MACROD1: variants seen among roughly 807,000 people sequenced by gnomAD.
MACROD1 encodes the protein ADP-ribose glycohydrolase MACROD1.
In MACROD1, 31 loss-of-function variants were observed where a neutral mutation model predicts 41.4. The observed-to-expected ratio is 0.75, with a 90% CI of 0.56 to 1.01. The LOEUF is 1.01. MACROD1 is among the 50% of genes least tolerant of loss of function. The probability of loss-of-function intolerance (pLI) is 0.00; values close to 1 mark genes in which losing one functional copy is unlikely to be tolerated. For missense variants in MACROD1, 473 were observed against 460.0 expected (o/e 1.03, Z -0.26); for synonymous variants, 252 against 203.4 (o/e 1.24, Z -2.03).
chr11:64,129,644 G>A (rs1945236903), intron 3 of MACROD1, among the ~76,000 whole-genome samples: 1 of 152,128 alleles, frequency 6.6e-6, no homozygotes, highest in Non-Finnish European at 1.5e-5. Context: ...GCAGCAAAGT[G>A]CCCCCAGGTC....
intron 3 of MACROD1, among the ~76,000 whole-genome samples, chr11:64,101,988 A>AC (rs1234780385): frequency 6.6e-6 from 1 of 151,916 alleles, no homozygotes; most frequent in African/African-American, 2.4e-5. Context: ...GTGGGCAGCC[A>AC]CCCCCCATCT....
chr11:64,046,469 AC>A (rs1478919485), intron 3 of MACROD1, among the ~76,000 whole-genome samples: 1 of 151,972 alleles, frequency 6.6e-6, no homozygotes, highest in Non-Finnish European at 1.5e-5. Flanking sequence ...CTTGCCCTGG[AC>A]CCCAGACAGT....
intron 3 of MACROD1, among the ~76,000 whole-genome samples, chr11:64,051,274 G>A (rs897120280): frequency 1.3e-5 from 2 of 152,204 alleles, no homozygotes; most frequent in African/African-American, 2.4e-5. Flanking sequence ...GGGAGGGGAG[G>A]GGCTGGTCCC....
chr11:64,000,317 C>T lies in MACROD1; in HGVS notation c.574G>A (p.Gly192Ser). 6.3e-7 allele frequency: 1 copy of T among 1,589,586 alleles called. No individual in the cohort carries two copies. The highest frequency in any genetic ancestry group is 8.6e-7 in the Non-Finnish European group (1 of 1,169,246). The change falls in exon 5 of 11, where the codon GGC becomes AGC. Residue 192 changes from glycine to serine, a missense_variant. Coordinates refer to ENST00000255681, the MANE Select transcript of MACROD1 (RefSeq NM_014067.4). Reference protein sequence around the residue: ...GVDGCIHRAAGPLLTDECRTL... With the variant: ...GVDGCIHRAASPLLTDECRTL... ...CGGCACTCGTCGGTAAGCAGGGGGC[C>T]GGCGGCCCGATGAATGCAGCCGTCC...
chr11:64,054,775 G>A (rs1943753720), intron 3 of MACROD1, among the ~76,000 whole-genome samples: 1 of 152,088 alleles, frequency 6.6e-6, no homozygotes. Context: ...TTCCTGCCTT[G>A]ATGGGTCCTC....
chr11:64,116,940 C>A (rs145808542), intron 3 of MACROD1: 1 of 1,611,306 alleles, frequency 6.2e-7, no homozygotes, highest in Non-Finnish European at 8.5e-7. Context: ...CAACAGCCTG[C>A]GGCGCCTGGT....
At chr11:64,131,239 C>T (rs1945260885) in intron 3 of MACROD1, among the ~76,000 whole-genome samples, 1 of 152,228 alleles carries the variant, frequency 6.6e-6, no homozygotes, top group Admixed American at 6.5e-5. Flanking sequence ...CAGGGTTACA[C>T]CCAGCTTGGC....
intron 1 of MACROD1, among the ~76,000 whole-genome samples, chr11:64,157,120 T>A (rs577589288): frequency 1.3e-5 from 2 of 151,212 alleles, no homozygotes; most frequent in African/African-American, 4.9e-5. Context: ...TGAGACAGAG[T>A]CTCACTCTGT....
At chr11:64,060,000 G>T (rs980226021) in intron 3 of MACROD1, among the ~76,000 whole-genome samples, 1 of 152,176 alleles carries the variant, frequency 6.6e-6, no homozygotes, top group Non-Finnish European at 1.5e-5. Flanking sequence ...AGGGCGGTGC[G>T]GGACGTCCAG....
At chr11:64,088,762 C>T (rs1944439259) in intron 3 of MACROD1, among the ~76,000 whole-genome samples, 1 of 152,152 alleles carries the variant, frequency 6.6e-6, no homozygotes, top group African/African-American at 2.4e-5. Context: ...AGATGAACGA[C>T]AGCAGACAGT....
intron 1 of MACROD1, among the ~76,000 whole-genome samples, chr11:64,156,940 G>C (rs532079683): frequency 2.6e-5 from 4 of 152,300 alleles, no homozygotes; most frequent in African/African-American, 9.6e-5. Flanking sequence ...ACTGGTTTCT[G>C]ATTTATGGGG....
chr11:64,016,211 C>T (rs1262237146), intron 3 of MACROD1, among the ~76,000 whole-genome samples: 2 of 152,240 alleles, frequency 1.3e-5, no homozygotes, highest in Non-Finnish European at 2.9e-5. Flanking sequence ...GTGAGGCTGG[C>T]AGCCCCTCTC....
chr11:64,118,839 C>T (rs1329961262), intron 3 of MACROD1: 1 of 167,392 alleles, frequency 6.0e-6, no homozygotes, highest in Non-Finnish European at 1.5e-5. Flanking sequence ...TGAAATCTCT[C>T]CCCTGGCTTA....
At position 63,998,981 on chromosome 11, in the gene MACROD1, C is replaced by T. The variant is rs1942765674; in HGVS notation, c.947G>A (p.Ser316Asn). The change falls in exon 9 of 11, where the codon AGC becomes AAC. Residue 316 changes from serine to asparagine, a missense_variant. Ser to Asn is a conservative substitution (Grantham distance 46). Coordinates refer to ENST00000255681, the MANE Select transcript of MACROD1 (RefSeq NM_014067.4). ...FLEKDEDIYR[S>N]RLPHYFPVA is the part of the protein sequence containing the mutation. ...CACGGGGAAGTAGTGGGGGAGCCGGCTCCGGTAGATGTCCTCGTCCTTCTC... is the reference window on the plus strand; with the variant it reads ...CACGGGGAAGTAGTGGGGGAGCCGGTTCCGGTAGATGTCCTCGTCCTTCTC... The T allele has an allele frequency of 1.2e-6, 2 of 1,607,584 alleles. No individual in the cohort carries two copies. The highest frequency in any genetic ancestry group is 4.5e-5 in the East Asian group (2 of 44,658).
rs1565188740 is a variant in MACROD1 at position 63,999,644 on chromosome 11, C to G, written c.784G>C (p.Val262Leu). Residue 262 changes from valine (V) to leucine (L), a missense_variant and splice_region_variant, in exon 6 of 11, where the codon GTG becomes CTG. Physicochemically the swap from Val to Leu is conservative, Grantham distance 32. Coordinates refer to ENST00000255681, the MANE Select transcript of MACROD1 (RefSeq NM_014067.4). The stretch of plus-strand genomic sequence containing the variant: ...CTCCCCCGCGGGCCGTCCCTCACCA[C>G]CGAGCGGAGCCGGTGCTCCAGCAGC... Reference protein sequence around the residue: ...DLLLEHRLRSVAFPCISTGVF... With the variant: ...DLLLEHRLRSLAFPCISTGVF... The G allele has an allele frequency of 1.2e-6, 2 of 1,609,312 alleles. No individual in the cohort carries two copies. The highest frequency in any genetic ancestry group is 1.7e-6 in the Non-Finnish European group (2 of 1,178,846).
At position 64,005,319 on chromosome 11, in the gene MACROD1, C is replaced by T. The variant is rs190301895; in HGVS notation, c.548-4976G>A. Among the ~76,000 whole-genome samples, 176 of 152,366 alleles carry T rather than the reference C, an allele frequency of 1.2e-3. 3 individuals are homozygous for T. The highest frequency in any genetic ancestry group is 2.8e-4 in the Non-Finnish European group (19 of 68,040). On this transcript the variant is annotated intron_variant, in intron 4 of 10. Transcript: ENST00000255681. ...CTGGGATTATAGGCGTGAGCCACCG[C>T]GCCCGGCCAAGACCCACATTATTAA...
chr11:64,057,276 C>T (rs150190800), intron 3 of MACROD1, among the ~76,000 whole-genome samples: 108 of 152,356 alleles, frequency 7.1e-4, no homozygotes, highest in African/African-American at 2.5e-3. Flanking sequence ...TTCCTCCCTG[C>T]AGACTGAGAG....
At chr11:64,012,218 T>C (rs1943025859) in intron 4 of MACROD1, among the ~76,000 whole-genome samples, 1 of 151,670 alleles carries the variant, frequency 6.6e-6, no homozygotes, top group Non-Finnish European at 1.5e-5. Flanking sequence ...CAGAGAGACC[T>C]CTGCCATGCC....
intron 4 of MACROD1, among the ~76,000 whole-genome samples, chr11:64,010,667 G>C (rs530573071): frequency 6.6e-6 from 1 of 151,076 alleles, no homozygotes; most frequent in Non-Finnish European, 1.5e-5. Context: ...TGGGGTGCTG[G>C]CTGGTGTGTT....
Sources: allele counts gnomAD v4.1 joint callset (sites outside exome capture counted in the v4.1 genomes callset), GRCh38; gene constraint gnomAD v4.1.1; transcripts MANE v1.5; gene names NCBI Gene and HGNC (gene_info 2026-07-23, HGNC 2026-07-21).